Variants in PPM1G observed in about 807,000 individuals in gnomAD.
The protein encoded by PPM1G is protein phosphatase, Mg2+/Mn2+ dependent 1G.
In PPM1G, 12 loss-of-function variants were observed where a neutral mutation model predicts 59.4. The ratio of observed to expected loss-of-function variants is 0.20; its 90% CI spans 0.13 to 0.33. The LOEUF is 0.33. Ranked by LOEUF, PPM1G falls within the 10% of genes least tolerant of loss-of-function variation. PPM1G has a pLI of 1.00. For missense variants in PPM1G, 392 were observed against 681.3 expected, an observed-to-expected ratio of 0.58 and a Z score of 4.73; for synonymous variants, 245 against 251.9, an observed-to-expected ratio of 0.97 and a Z score of 0.26.
At chr2:27,399,215 GA>G (rs1303322381) in intron 1 of PPM1G, among the ~76,000 whole-genome samples, 1 of 152,032 alleles carries the variant, frequency 6.6e-6, no homozygotes, top group Non-Finnish European at 1.5e-5. Flanking sequence ...AAAAATTGGA[GA>G]AAAGATTTGC....
chr2:27,385,973 G>A lies in PPM1G; in HGVS notation c.277-94C>T. 3 of 1,427,172 alleles carry A rather than the reference G, an allele frequency of 2.1e-6. No homozygotes were observed. The East Asian group carries it at 7.0e-5, about 33-fold the overall frequency. The allele number at this position is 1,427,172 out of a possible 1,614,324, so 88.4% of individuals were successfully genotyped here. ...GATGGAATACAAATTAAGAGTGTGAGCCACCACACTAAGAGACACTCACAG... is the reference window on the plus strand; with the variant it reads ...GATGGAATACAAATTAAGAGTGTGAACCACCACACTAAGAGACACTCACAG... On this transcript the variant is annotated intron_variant, in intron 3 of 9. Coordinates refer to ENST00000344034, the MANE Select transcript of PPM1G (RefSeq NM_177983.3). The surrounding 1 kb of genome is among the most constrained non-coding windows in gnomAD (Gnocchi z 4.1).
intron 1 of PPM1G, among the ~76,000 whole-genome samples, chr2:27,397,163 C>G (rs1312437330): frequency 3.3e-5 from 5 of 152,036 alleles, no homozygotes; most frequent in Non-Finnish European, 7.4e-5. Flanking sequence ...GCCACCATGC[C>G]CAGCCACAAT....
At chr2:27,392,991 T>C (rs1398665716) in intron 1 of PPM1G, 1 of 1,519,074 alleles carries the variant, frequency 6.6e-7, no homozygotes, top group Non-Finnish European at 9.0e-7. Flanking sequence ...GCAGTTCCAG[T>C]AGTGACTGAT....
chr2:27,400,339 T>C (rs879553773), intron 1 of PPM1G, among the ~76,000 whole-genome samples: 1 of 151,956 alleles, frequency 6.6e-6, no homozygotes, highest in Non-Finnish European at 1.5e-5. Flanking sequence ...AAGGTGGAGG[T>C]TGCAGTGAGC....
At chr2:27,388,245 C>T (rs992040166) in intron 1 of PPM1G, among the ~76,000 whole-genome samples, 9 of 151,206 alleles carry the variant, frequency 6.0e-5, no homozygotes, top group Middle Eastern at 3.4e-3. Flanking sequence ...CCCGTCTCTA[C>T]TAAAAATACA....
At chr2:27,407,908 G>T (rs1330333458) in intron 1 of PPM1G, among the ~76,000 whole-genome samples, 1 of 152,154 alleles carries the variant, frequency 6.6e-6, no homozygotes, top group African/African-American at 2.4e-5. Flanking sequence ...TAAGCCAGGC[G>T]TGGTGGCACA....
At chr2:27,388,137 G>C (rs923773433) in intron 1 of PPM1G, among the ~76,000 whole-genome samples, 4 of 152,042 alleles carry the variant, frequency 2.6e-5, no homozygotes, top group Non-Finnish European at 5.9e-5. Context: ...GAGGCCAGGC[G>C]TGGTGGCTCA....
intron 1 of PPM1G, among the ~76,000 whole-genome samples, chr2:27,390,811 AACCCCC>A (rs1683882250): frequency 6.6e-6 from 1 of 151,576 alleles, no homozygotes; most frequent in African/African-American, 2.4e-5. Flanking sequence ...TCTGCCACAC[AACCCCC>A]ACCCCCACCC....
At chr2:27,405,457 TTTTG>T (rs1572670593) in intron 1 of PPM1G, among the ~76,000 whole-genome samples, 1 of 151,800 alleles carries the variant, frequency 6.6e-6, no homozygotes, top group South Asian at 2.1e-4. Context: ...GTGGTGGTTT[TTTTG>T]TTTGTTTTTT....
At chr2:27,391,846 C>T (rs1227653418) in intron 1 of PPM1G, among the ~76,000 whole-genome samples, 1 of 151,858 alleles carries the variant, frequency 6.6e-6, no homozygotes, top group African/African-American at 2.4e-5. Context: ...ATTCTCCTGC[C>T]TCAGCCTCCT....
At position 27,383,927 on chromosome 2, in the gene PPM1G, C is replaced by T; in HGVS notation, c.966+25G>A. On this transcript the variant is annotated intron_variant, in intron 6 of 9. Coordinates refer to ENST00000344034, the MANE Select transcript of PPM1G (RefSeq NM_177983.3). This position sits in a 1 kb window ranked among gnomAD's most constrained non-coding sequence, Gnocchi z 5.0. ...ACACCTGCCTTGTGGCTTTTCAAGA[C>T]TCATTGCTCCCCTTCCCCACACACC... is the stretch of plus-strand genomic sequence containing the variant. 1.9e-6 allele frequency: 3 copies of T among 1,551,516 alleles called. No individual in the cohort carries two copies. Among genetic ancestry groups the T allele is most frequent in the Non-Finnish European group, 2.6e-6 (3 of 1,146,776 alleles).
Position 27,381,633 on chromosome 2 carries a change from T to C in PPM1G, c.1607A>G (p.Asn536Ser), listed in dbSNP as rs1307028216. The C allele has an allele frequency of 5.0e-6, 8 of 1,613,994 alleles. No individual in the cohort carries two copies. Among genetic ancestry groups the C allele is most frequent in the East Asian group, 2.2e-5 (1 of 44,876 alleles). Residue 536 changes from asparagine (N) to serine (S), a missense_variant, in exon 10 of 10, where the codon AAC (asparagine) becomes AGC (serine). Physicochemically the swap from Asn to Ser is conservative, Grantham distance 46. Around this residue, in one of 6 missense-constraint regions of PPM1G, gnomAD observed 49 missense variants for 43.4 expected, o/e 1.13. Transcript: ENST00000344034. ...LSTEGAEENG[N>S]SDKKKKAKRD ...CTTGGCCTTCTTCTTCTTGTCGCTGTTGCCATTTTCTTCAGCCCCCTCAGT... is the reference window on the plus strand; with the variant it reads ...CTTGGCCTTCTTCTTCTTGTCGCTGCTGCCATTTTCTTCAGCCCCCTCAGT...
At chr2:27,404,674 G>A (rs978433610) in intron 1 of PPM1G, among the ~76,000 whole-genome samples, 1 of 152,030 alleles carries the variant, frequency 6.6e-6, no homozygotes, top group African/African-American at 2.4e-5. Flanking sequence ...GCCAGGCATG[G>A]TGGCTCACGC....
rs1280324999 is a variant in PPM1G, at chr2:27,382,373, G to C, written c.1331+103C>G. 6.4e-7 allele frequency: 1 copy of C among 1,568,608 alleles called. No homozygotes were observed. Among genetic ancestry groups the C allele is most frequent in the Middle Eastern group, 1.8e-4 (1 of 5,640 alleles). ...AGTCTGGGTGCTCTTCACCCACCAA[G>C]AGGCCTAGGTCTGCCTAGGCTCTAA... On this transcript the variant is annotated intron_variant, in intron 8 of 9. Coordinates refer to ENST00000344034, the MANE Select transcript of PPM1G (RefSeq NM_177983.3). This position sits in a 1 kb window ranked among gnomAD's most constrained non-coding sequence, Gnocchi z 4.2.
At chr2:27,392,305 T>C (rs1250467627) in intron 1 of PPM1G, among the ~76,000 whole-genome samples, 1 of 146,934 alleles carries the variant, frequency 6.8e-6, no homozygotes, top group Admixed American at 6.8e-5. Flanking sequence ...TTTTTTTTTT[T>C]TTTTTGAGAG....
At chr2:27,409,006 G>T (rs900667384) in intron 1 of PPM1G, among the ~76,000 whole-genome samples, 1 of 152,220 alleles carries the variant, frequency 6.6e-6, no homozygotes, top group Non-Finnish European at 1.5e-5. Context: ...AGCCTGGAGG[G>T]CTAGGTTGGC....
intron 2 of PPM1G, chr2:27,386,504 G>A (rs1010669606): frequency 8.4e-6 from 3 of 357,450 alleles, no homozygotes; most frequent in African/African-American, 4.1e-5. Flanking sequence ...TTTCTCACCT[G>A]TATACTTAGT....
At chr2:27,392,276 GGTTTGTTTT>G (rs1558318720) in intron 1 of PPM1G, among the ~76,000 whole-genome samples, 1 of 124,224 alleles carries the variant, frequency 8.0e-6, no homozygotes, top group African/African-American at 3.5e-5. Flanking sequence ...TTGTTTTGTT[GGTTTGTTTT>G]GTTTTTTTTT....
In PPM1G at chr2:27,409,286, G is replaced by C. The variant is rs1663458103; in HGVS notation, c.120+17C>G. 6.4e-7 allele frequency: 1 copy of C among 1,552,978 alleles called. No homozygotes were observed. Among genetic ancestry groups the C allele is most frequent in the Non-Finnish European group, 8.7e-7 (1 of 1,150,966 alleles). Reference sequence around the variant, plus strand: ...CCCGCCCCGCAGCGGCCAGCCTATGGGCCCCTGCCTCCTCACCTCCATGGA... The same window carrying C: ...CCCGCCCCGCAGCGGCCAGCCTATGCGCCCCTGCCTCCTCACCTCCATGGA... On this transcript the variant is annotated intron_variant, in intron 1 of 9. Coordinates refer to ENST00000344034, the MANE Select transcript of PPM1G (RefSeq NM_177983.3).
Sources: gnomAD v4.1 joint callset for allele counts (sites outside exome capture counted in the v4.1 genomes callset) on GRCh38, gnomAD v4.1.1 for gene constraint, gnomAD v4.1.1 regional missense constraint, Gnocchi (gnomAD v3.1) non-coding constraint, MANE v1.5 for transcripts, NCBI Gene and HGNC (gene_info 2026-07-23, HGNC 2026-07-21) for gene names.